Variants in THOC2 observed in about 807,000 individuals in gnomAD.
THOC2 encodes THO complex subunit 2.
Under a neutral mutation model 128.4 loss-of-function variants are expected in THOC2, and 10 were observed. The ratio of observed to expected loss-of-function variants is 0.08; its 90% CI spans 0.05 to 0.13. The LOEUF (loss-of-function observed/expected upper bound fraction) is 0.13. Among genes scored for constraint, THOC2 ranks in the 10% least tolerant of loss-of-function variants. The probability of loss-of-function intolerance (pLI) is 1.00; values close to 1 mark genes in which losing one functional copy is unlikely to be tolerated. For missense variants in THOC2, 535 were observed against 1,155.7 expected (o/e 0.46, Z 7.79); for synonymous variants, 393 against 396.9 (o/e 0.99, Z 0.12).
chrX:123,640,655 C>G, intron 15 of THOC2, 33 bp from the exon 16 acceptor site: 1 of 875,393 alleles, frequency 1.1e-6, no homozygotes. Context: ...CACGGATCAT[C>G]TTAAGTAACA....
chrX:123,621,635 A>G, intron 30 of THOC2, 48 bp from the exon 31 acceptor site: 1 of 908,071 alleles, frequency 1.1e-6, no homozygotes, highest in Non-Finnish European at 1.5e-6. Context: ...CATAAAATAT[A>G]TCCTTTGATA....
intron 7 of THOC2, among the ~76,000 whole-genome samples, chrX:123,688,136 T>G (rs1417267755): frequency 4.5e-5 from 5 of 112,213 alleles, no homozygotes; most frequent in Non-Finnish European, 7.5e-5. Context: ...TAAATGTCTA[T>G]GTCAATACAA....
chrX:123,665,234 T>C (rs2049002763), intron 12 of THOC2, among the ~76,000 whole-genome samples: 1 of 112,050 alleles, frequency 8.9e-6, no homozygotes, highest in African/African-American at 3.2e-5. Context: ...GTGCAAGGTA[T>C]TACCTTTTAA....
At chrX:123,636,418 C>G (rs901685905) in intron 18 of THOC2, among the ~76,000 whole-genome samples, 2 of 111,566 alleles carry the variant, frequency 1.8e-5, no homozygotes, top group Non-Finnish European at 3.8e-5. Flanking sequence ...GTTGGTATAA[C>G]CTATTGATGA....
intron 1 of THOC2, among the ~76,000 whole-genome samples, chrX:123,718,714 G>A (rs949394110): frequency 4.6e-5 from 5 of 108,838 alleles, no homozygotes; most frequent in African/African-American, 1.0e-4. Flanking sequence ...AGCCAAGATC[G>A]CGGCACTGCA....
chrX:123,684,453 G>A (rs780820381), intron 8 of THOC2, among the ~76,000 whole-genome samples: 3 of 111,475 alleles, frequency 2.7e-5, no homozygotes, highest in Non-Finnish European at 5.7e-5. Context: ...GCATGATCTC[G>A]GCTCACAGCA....
At chrX:123,695,052 T>C (rs1267844400) in intron 7 of THOC2, among the ~76,000 whole-genome samples, 2 of 112,397 alleles carry the variant, frequency 1.8e-5, no homozygotes, top group South Asian at 3.7e-4. Flanking sequence ...ATAGTTTTAA[T>C]TGGATTCCTA....
intron 1 of THOC2, among the ~76,000 whole-genome samples, chrX:123,714,199 C>T (rs2051312615): frequency 8.9e-6 from 1 of 112,056 alleles, no homozygotes; most frequent in African/African-American, 3.2e-5. Context: ...CAGTAATTAC[C>T]TTAAATGTAA....
At chrX:123,613,750 G>T in intron 34 of THOC2, 42 bp from the exon 35 acceptor site, 1 of 1,145,453 alleles carries the variant, frequency 8.7e-7, no homozygotes, top group Non-Finnish European at 1.2e-6. Context: ...AAGGGCTTCT[G>T]TTTTTGTTTT....
intron 22 of THOC2, among the ~76,000 whole-genome samples, chrX:123,630,113 A>C (rs906234619): frequency 8.9e-6 from 1 of 112,130 alleles, no homozygotes; most frequent in Non-Finnish European, 1.9e-5. Context: ...TGGTCAGAAA[A>C]GAAGGCTATA....
At chrX:123,732,701 T>C (rs2052329946) in intron 1 of THOC2, among the ~76,000 whole-genome samples, 1 of 111,778 alleles carries the variant, frequency 8.9e-6, no homozygotes, top group Non-Finnish European at 1.9e-5. Context: ...ATAAGAGTTC[T>C]ACTAAGAGGC....
At chrX:123,630,458 C>CA (rs1228785864) in intron 22 of THOC2, among the ~76,000 whole-genome samples, 29 of 108,238 alleles carry the variant, frequency 2.7e-4, no homozygotes, top group Middle Eastern at 4.7e-3. Flanking sequence ...TCTAAAAATA[C>CA]AAAAATTAGC....
At chrX:123,694,298 A>G (rs2050354010) in intron 7 of THOC2, among the ~76,000 whole-genome samples, 1 of 111,664 alleles carries the variant, frequency 9.0e-6, no homozygotes, top group South Asian at 3.7e-4. Context: ...AACACTCAGG[A>G]AAGTGTGGCG....
intron 2 of THOC2, among the ~76,000 whole-genome samples, chrX:123,708,578 G>A (rs1387810379): frequency 1.8e-5 from 2 of 109,553 alleles, no homozygotes; most frequent in Non-Finnish European, 3.8e-5. Context: ...GGTCCCATGA[G>A]AATATGTCCT....
At chrX:123,722,962 G>A (rs1025609859) in intron 1 of THOC2, among the ~76,000 whole-genome samples, 2 of 111,236 alleles carry the variant, frequency 1.8e-5, no homozygotes, top group East Asian at 2.8e-4. Context: ...GCGGATCATC[G>A]GAGGTCCGGA....
In THOC2 at chrX:123,671,749, C is replaced by A. The variant is rs2049287087; in HGVS notation, c.781G>T (p.Glu261Ter). Residue 261 changes from glutamate to a stop codon, truncating the protein, a stop_gained, in exon 9 of 39, where the codon GAG (glutamate) becomes TAG (stop). Coordinates refer to ENST00000245838, the MANE Select transcript of THOC2 (RefSeq NM_001081550.2). LOFTEE classifies it high-confidence loss of function. ...KFKFYQEPNG[E>*]TPSSLYRVAA... ...ACTCTGTATAAAGATGATGGTGTCTCGCCATTTGGTTCCTAGAAATATAAA... is the reference window on the plus strand; with the variant it reads ...ACTCTGTATAAAGATGATGGTGTCTAGCCATTTGGTTCCTAGAAATATAAA... The A allele has an allele frequency of 8.6e-7, 1 of 1,167,531 alleles. No homozygotes were observed. Among genetic ancestry groups the A allele is most frequent in the Non-Finnish European group, 1.2e-6 (1 of 869,539 alleles).
At chrX:123,723,480 T>A (rs1025167568) in intron 1 of THOC2, among the ~76,000 whole-genome samples, 2 of 111,692 alleles carry the variant, frequency 1.8e-5, no homozygotes, top group African/African-American at 6.5e-5. Flanking sequence ...TGTATAATAA[T>A]GTTTCTATTG....
chrX:123,706,557 C>G (rs1301340874), intron 3 of THOC2, among the ~76,000 whole-genome samples: 1 of 87,234 alleles, frequency 1.1e-5, no homozygotes, highest in Non-Finnish European at 2.2e-5. Context: ...CATTACAGCA[C>G]AGGCTTTTTT....
chrX:123,714,989 TTC>T (rs1295348985), intron 1 of THOC2, among the ~76,000 whole-genome samples: 1 of 106,910 alleles, frequency 9.4e-6, no homozygotes, highest in Non-Finnish European at 1.9e-5. Context: ...CCAAAAGCGG[TTC>T]AAAAGAGGAA....
Sources: gnomAD v4.1 joint callset for allele counts (sites outside exome capture counted in the v4.1 genomes callset) on GRCh38, gnomAD v4.1.1 for gene constraint, MANE v1.5 for transcripts, NCBI Gene and HGNC (gene_info 2026-07-23, HGNC 2026-07-21) for gene names.